The following IL20RA variants were observed in gnomAD, a reference collection of about 807,000 sequenced individuals.
IL20RA encodes the protein interleukin 20 receptor subunit alpha, also known as interleukin-20 receptor subunit alpha.
IL20RA carries 29 observed loss-of-function variants against 36.5 expected under a neutral mutation model. The ratio of observed to expected loss-of-function variants is 0.79; its 90% CI spans 0.59 to 1.08. The LOEUF (loss-of-function observed/expected upper bound fraction) is 1.08, where lower values mean the gene tolerates loss of function less well. Ranked by LOEUF, IL20RA falls within the 50% of genes least tolerant of loss-of-function variation. IL20RA has a pLI of 0.00. For synonymous variants in IL20RA, 279 were observed against 267.1 expected (o/e 1.04, Z -0.43); for missense variants, 652 against 668.4 (o/e 0.98, Z 0.27).
Position 137,001,584 on chromosome 6 carries a change from C to A in IL20RA, c.1636G>T (p.Gly546Trp). Residue 546 changes from glycine (G) to tryptophan (W), a missense_variant, in exon 7 of 7, where the codon GGG becomes TGG. Coordinates refer to ENST00000316649, the MANE Select transcript of IL20RA (RefSeq NM_014432.4). The stretch of plus-strand genomic sequence containing the variant: ...CAGTTTTCCATCTGCACATATAACC[C>A]CCATTCCTCCATGAATTGCATGAGA... ...TYLMQFMEEW[G>W]LYVQMEN The A allele has an allele frequency of 6.3e-7, 1 of 1,582,604 alleles. No homozygotes were observed. The highest frequency in any genetic ancestry group is 8.6e-7 in the Non-Finnish European group (1 of 1,163,326).
intron 1 of IL20RA, among the ~76,000 whole-genome samples, chr6:137,041,320 G>T (rs941083330): frequency 6.6e-6 from 1 of 152,168 alleles, no homozygotes; most frequent in African/African-American, 2.4e-5. Flanking sequence ...CTCCAGCAAG[G>T]TCTATAGTTT....
intron 1 of IL20RA, among the ~76,000 whole-genome samples, chr6:137,018,391 T>C (rs1340390464): frequency 1.3e-5 from 2 of 152,194 alleles, no homozygotes; most frequent in Non-Finnish European, 2.9e-5. Context: ...TGGCTGAGTG[T>C]AGGTATGCTT....
intron 1 of IL20RA, among the ~76,000 whole-genome samples, chr6:137,034,848 G>A (rs889022111): frequency 6.6e-6 from 1 of 151,886 alleles, no homozygotes; most frequent in African/African-American, 2.4e-5. Context: ...GGGAGGCTGA[G>A]GCAGGAGAAT....
intron 1 of IL20RA, among the ~76,000 whole-genome samples, chr6:137,030,521 G>A (rs188951668): frequency 2.0e-5 from 3 of 152,144 alleles, no homozygotes; most frequent in Admixed American, 2.0e-4. Flanking sequence ...CACACTTCTG[G>A]GTGCCTCCTT....
At chr6:137,040,990 C>T (rs896818582) in intron 1 of IL20RA, among the ~76,000 whole-genome samples, 5 of 152,156 alleles carry the variant, frequency 3.3e-5, no homozygotes, top group South Asian at 2.1e-4. Context: ...CTTAACCAAG[C>T]GATCAAGGTT....
rs761662443 is a variant in IL20RA at position 137,001,964 on chromosome 6, A to T, written c.1256T>A (p.Leu419His). The T allele has an allele frequency of 1.2e-6, 2 of 1,614,132 alleles. No individual in the cohort carries two copies. Among genetic ancestry groups the T allele is most frequent in the Non-Finnish European group, 1.7e-6 (2 of 1,180,014 alleles). Residue 419 changes from leucine (L) to histidine (H), a missense_variant, in exon 7 of 7, where the codon CTC becomes CAC. Physicochemically the swap from Leu to His is moderately conservative, Grantham distance 99. Transcript: ENST00000316649. ...DICAGPEEQE[L>H]SLQEEVSTQG... ...TGTGGACACCTCCTCCTGCAAACTGAGCTCCTGCTCTTCAGGCCCCGCACA... is the reference window on the plus strand; with the variant it reads ...TGTGGACACCTCCTCCTGCAAACTGTGCTCCTGCTCTTCAGGCCCCGCACA...
chr6:137,004,752 ATGAT>A lies in IL20RA; in HGVS notation c.729_732del (p.Gln243HisfsTer25). 19 of 1,545,360 alleles carry A rather than the reference ATGAT, an allele frequency of 1.2e-5. No individual in the cohort carries two copies. The highest frequency in any genetic ancestry group is 1.6e-5 in the Non-Finnish European group (19 of 1,157,100). On this transcript the variant is annotated frameshift_variant, in exon 6 of 7. Transcript: ENST00000316649. LOFTEE classifies it high-confidence loss of function. Reference sequence around the variant, plus strand: ...AAGATGATTTTAGCCTTGAACTCTGATGATTGATCTGTAAAAAAAAAAAAAAAGG... The same window carrying A: ...AAGATGATTTTAGCCTTGAACTCTGATGATCTGTAAAAAAAAAAAAAAAGG...
intron 1 of IL20RA, among the ~76,000 whole-genome samples, chr6:137,021,559 G>T (rs1259989764): frequency 6.6e-6 from 1 of 150,930 alleles, no homozygotes; most frequent in Non-Finnish European, 1.5e-5. Flanking sequence ...GGCACCTGTA[G>T]TCCCAGCTAT....
intron 1 of IL20RA, among the ~76,000 whole-genome samples, chr6:137,032,181 G>A (rs943784677): frequency 6.6e-6 from 1 of 152,152 alleles, no homozygotes; most frequent in African/African-American, 2.4e-5. Flanking sequence ...GTGGTAATGT[G>A]GGGAGACTCC....
At chr6:137,023,002 A>T (rs1313703294) in intron 1 of IL20RA, among the ~76,000 whole-genome samples, 1 of 152,208 alleles carries the variant, frequency 6.6e-6, no homozygotes, top group East Asian at 1.9e-4. Flanking sequence ...TTTAAAGCAA[A>T]CCGGTGGTAC....
At chr6:137,037,247 T>C (rs756553054) in intron 1 of IL20RA, among the ~76,000 whole-genome samples, 2 of 152,176 alleles carry the variant, frequency 1.3e-5, no homozygotes, top group African/African-American at 2.4e-5. Context: ...TGGATAGTGA[T>C]TGAAGTATCC....
At chr6:137,014,160 A>G (rs1775592266) in intron 2 of IL20RA, among the ~76,000 whole-genome samples, 1 of 152,216 alleles carries the variant, frequency 6.6e-6, no homozygotes, top group South Asian at 2.1e-4. Context: ...TAGATAAATG[A>G]GGTCACTGTG....
intron 1 of IL20RA, among the ~76,000 whole-genome samples, chr6:137,028,683 T>G (rs1456107276): frequency 6.6e-6 from 1 of 152,186 alleles, no homozygotes; most frequent in Non-Finnish European, 1.5e-5. Context: ...ACATACAGAC[T>G]ATTTAAAATA....
intron 2 of IL20RA, among the ~76,000 whole-genome samples, chr6:137,013,569 T>A (rs1397559132): frequency 6.6e-6 from 1 of 152,206 alleles, no homozygotes. Context: ...CAAATTCACA[T>A]GACTAGTAAA....
At position 137,017,033 on chromosome 6, in the gene IL20RA, G is replaced by A; in HGVS notation, c.159C>T (p.Val53=). Reference sequence around the variant, plus strand: ...GACCCTCTGGTGGAGTCCATTGTAGGACATTCTTCATGTTGATGGATAAGA... The same window carrying A: ...GACCCTCTGGTGGAGTCCATTGTAGAACATTCTTCATGTTGATGGATAAGA... ...ITFLSINMKN[V]LQWTPPEGLQ... The change falls in exon 2 of 7, where the codon GTC becomes GTT. Residue 53 remains valine (V), a synonymous_variant. Coordinates refer to ENST00000316649, the MANE Select transcript of IL20RA (RefSeq NM_014432.4). 6.2e-7 allele frequency: 1 copy of A among 1,612,308 alleles called. No individual in the cohort carries two copies. Among genetic ancestry groups the A allele is most frequent in the Non-Finnish European group, 8.5e-7 (1 of 1,178,336 alleles).
chr6:137,023,566 G>A (rs1326395568), intron 1 of IL20RA, among the ~76,000 whole-genome samples: 1 of 152,190 alleles, frequency 6.6e-6, no homozygotes, highest in African/African-American at 2.4e-5. Flanking sequence ...AAGCCAGTGA[G>A]ACCATAACTG....
Position 137,001,741 on chromosome 6 carries a change from C to T in IL20RA, c.1479G>A (p.Ser493=), listed in dbSNP as rs75409075. 1.1e-5 allele frequency: 18 copies of T among 1,613,318 alleles called. No individual in the cohort carries two copies. Among genetic ancestry groups the T allele is most frequent in the Non-Finnish European group, 1.4e-5 (17 of 1,179,560 alleles). ...DPQTGRLCIP[S]LSSFDQDSEG... ...CTGAATCCTGGTCGAAGCTGGACAG[C>T]GAAGGAATACACAGCCTGCCAGTTT... The change falls in exon 7 of 7, where the codon TCG becomes TCA. Residue 493 remains serine, a synonymous_variant. Transcript: ENST00000316649.
At chr6:137,024,746 C>T (rs2115400942) in intron 1 of IL20RA, among the ~76,000 whole-genome samples, 1 of 152,248 alleles carries the variant, frequency 6.6e-6, no homozygotes, top group Admixed American at 6.5e-5. Flanking sequence ...TCCATGTGTG[C>T]ATCATTGAAT....
rs143552862 is a variant in IL20RA at position 137,002,258 on chromosome 6, T to C, written c.962A>G (p.Lys321Arg). ...FITLNISDDS[K>R]ISHQDMSLLG... ...TAAACTCATATCCTGATGAGAAATT[T>C]TAGAATCATCCGAGATATTGAGGGT... Residue 321 changes from lysine to arginine, a missense_variant, in exon 7 of 7, where the codon AAA becomes AGA. Transcript: ENST00000316649. 1.4e-4 allele frequency: 227 copies of C among 1,614,002 alleles called. 2 individuals carry two copies. The highest frequency in any genetic ancestry group is 8.3e-4 in the Middle Eastern group (5 of 6,056).
Sources: allele counts gnomAD v4.1 joint callset (sites outside exome capture counted in the v4.1 genomes callset), GRCh38; gene constraint gnomAD v4.1.1; transcripts MANE v1.5; gene names NCBI Gene and HGNC (gene_info 2026-07-23, HGNC 2026-07-21).